ADGRL3: variants seen among roughly 807,000 people sequenced by gnomAD.
ADGRL3 encodes the protein calcium-independent alpha-latrotoxin receptor 3.
In ADGRL3, 62 loss-of-function variants were observed where a neutral mutation model predicts 153.5. The ratio of observed to expected loss-of-function variants is 0.40; its 90% CI spans 0.33 to 0.50. The LOEUF is 0.50. Ranked by LOEUF, ADGRL3 falls within the 20% of genes least tolerant of loss-of-function variation. The probability of loss-of-function intolerance (pLI) is 0.47; values close to 1 mark genes in which losing one functional copy is unlikely to be tolerated. For missense variants in ADGRL3, 1,641 were observed against 1,859.4 expected (o/e 0.88, Z 2.16); for synonymous variants, 710 against 672.5 (o/e 1.06, Z -0.86).
intron 9 of ADGRL3, among the ~76,000 whole-genome samples, chr4:61,853,910 A>G (rs943658563): frequency 6.6e-6 from 1 of 152,202 alleles, no homozygotes; most frequent in African/African-American, 2.4e-5. Flanking sequence ...CCTCTTCTCT[A>G]TAGCCTGAAC....
intron 6 of ADGRL3, among the ~76,000 whole-genome samples, chr4:61,717,829 T>A (rs1370871247): frequency 1.3e-5 from 2 of 151,562 alleles, no homozygotes; most frequent in Admixed American, 1.3e-4. Flanking sequence ...AGATCAGGAG[T>A]TCGAGATCAG....
chr4:61,499,995 C>T (rs972152621), intron 3 of ADGRL3, among the ~76,000 whole-genome samples: 1 of 131,770 alleles, frequency 7.6e-6, no homozygotes, highest in Admixed American at 8.2e-5. Context: ...CAGACACACA[C>T]ACACACACAC....
At chr4:61,739,452 A>G (rs897410334) in intron 8 of ADGRL3, among the ~76,000 whole-genome samples, 6 of 152,076 alleles carry the variant, frequency 3.9e-5, no homozygotes, top group Non-Finnish European at 5.9e-5. Flanking sequence ...TGACCTCCCA[A>G]AGTGCTGGGA....
Position 62,071,863 on chromosome 4 carries a change from CAAAAT to C in ADGRL3, c.*959_*963del. Reference sequence around the variant, plus strand: ...AAACAAATTATTTTTTACAAAAAAACAAAATAAATAAAATTAGACTTCCTTCCCTC... The same window carrying C: ...AAACAAATTATTTTTTACAAAAAAACAAATAAAATTAGACTTCCTTCCCTC... On this transcript the variant is annotated 3_prime_UTR_variant, in exon 27 of 27. Transcript: ENST00000683033. 3.0e-6 allele frequency: 1 copy of C among 329,070 alleles called. No homozygotes were observed. The highest frequency in any genetic ancestry group is 5.8e-6 in the Non-Finnish European group (1 of 171,278). The allele number at this position is 329,070 out of a possible 1,614,324, so 20.4% of individuals were successfully genotyped here.
rs755772405 is a variant in ADGRL3 at position 61,878,081 on chromosome 4, A to G, written c.1481-14575A>G. On this transcript the variant is annotated intron_variant, in intron 9 of 26. Transcript: ENST00000683033. ...TGTGAGTCAGTTTGACCAATTTGGT[A>G]TAAATTACCCAATCTCAGGAAATGT... Among the ~76,000 whole-genome samples the G allele has an allele frequency of 5.9e-5, 9 of 152,278 alleles. No individual in the cohort carries two copies. The South Asian group carries it at 1.9e-3, about 32-fold the overall frequency.
intron 2 of ADGRL3, among the ~76,000 whole-genome samples, chr4:61,419,953 C>G (rs1329115804): frequency 2.0e-5 from 3 of 151,928 alleles, no homozygotes; most frequent in Non-Finnish European, 2.9e-5. Flanking sequence ...GCCACCATGC[C>G]CGGCTGATAT....
Position 61,827,344 on chromosome 4 carries a change from T to C in ADGRL3, c.1480+13455T>C, listed in dbSNP as rs532334832. Among the ~76,000 whole-genome samples the C allele has an allele frequency of 1.5e-3, 230 of 152,332 alleles. 2 individuals are homozygous for C. The highest frequency in any genetic ancestry group is 5.2e-3 in the African/African-American group (215 of 41,584). Reference sequence around the variant, plus strand: ...ATCTATTGCCAAGGTTAGTCTGTATTGCTTCTAGTACTCAGTAGGGCTTCA... The same window carrying C: ...ATCTATTGCCAAGGTTAGTCTGTATCGCTTCTAGTACTCAGTAGGGCTTCA... On this transcript the variant is annotated intron_variant, in intron 9 of 26. Coordinates refer to ENST00000683033, the MANE Select transcript of ADGRL3 (RefSeq NM_001387552.1).
At chr4:61,430,962 T>C (rs1425632020) in intron 2 of ADGRL3, among the ~76,000 whole-genome samples, 1 of 152,234 alleles carries the variant, frequency 6.6e-6, no homozygotes, top group Non-Finnish European at 1.5e-5. Context: ...GATAGTTTCA[T>C]AATCAATGTC....
chr4:61,462,748 A>G (rs1430279994), intron 2 of ADGRL3, among the ~76,000 whole-genome samples: 1 of 152,180 alleles, frequency 6.6e-6, no homozygotes, highest in Non-Finnish European at 1.5e-5. Context: ...ATATTGGGCA[A>G]TCAGCCTAGC....
At chr4:61,605,736 C>A (rs548413904) in intron 5 of ADGRL3, among the ~76,000 whole-genome samples, 1 of 152,256 alleles carries the variant, frequency 6.6e-6, no homozygotes, top group Admixed American at 6.5e-5. Context: ...TGACACATAT[C>A]CATGGTTTCT....
rs1219373046 is a variant in ADGRL3, at chr4:61,432,573, CCTTTCTTTCTTTCTTTCTTTCTTT to C, written c.-174+49445_-174+49468del. On this transcript the variant is annotated intron_variant, in intron 2 of 26. Coordinates refer to ENST00000683033, the MANE Select transcript of ADGRL3 (RefSeq NM_001387552.1). ...TTTATAGATTTCTTTTCTTTCTCTT[CCTTTCTTTCTTTCTTTCTTTCTTT>C]CTTTCTTTCTTTCTTTCTTTCTTTC... is the stretch of plus-strand genomic sequence containing the variant. Among the ~76,000 whole-genome samples, 205 of 35,834 alleles carry C rather than the reference CCTTTCTTTCTTTCTTTCTTTCTTT, an allele frequency of 5.7e-3. 12 individuals carry two copies. The highest frequency in any genetic ancestry group is 0.015 in the African/African-American group (197 of 13,022). 23.5% of individuals were successfully genotyped at this position (35,834 alleles called of 152,430 possible).
chr4:61,406,679 A>G (rs777754778), intron 2 of ADGRL3, among the ~76,000 whole-genome samples: 68 of 152,178 alleles, frequency 4.5e-4, no homozygotes, highest in African/African-American at 1.5e-3. Context: ...GTTATTAAAC[A>G]TTTGAAATAT....
intron 8 of ADGRL3, among the ~76,000 whole-genome samples, chr4:61,780,443 T>C (rs1164678454): frequency 3.3e-5 from 5 of 152,228 alleles, no homozygotes; most frequent in African/African-American, 1.2e-4. Context: ...CCTGTTAGTA[T>C]AGGTTAAAGG....
chr4:61,767,708 T>G (rs146271502), intron 8 of ADGRL3, among the ~76,000 whole-genome samples: 4,051 of 152,252 alleles, frequency 0.027, 76 homozygotes, highest in East Asian at 0.098. Flanking sequence ...AATCCTGGGC[T>G]GCGGGTGTTC....
intron 17 of ADGRL3, among the ~76,000 whole-genome samples, chr4:61,948,632 G>A (rs2098935149): frequency 6.6e-6 from 1 of 152,130 alleles, no homozygotes; most frequent in Non-Finnish European, 1.5e-5. Flanking sequence ...TGGGGAGGCG[G>A]AAGAATAAAG....
intron 1 of ADGRL3, among the ~76,000 whole-genome samples, chr4:61,313,797 A>G (rs2095102228): frequency 6.6e-6 from 1 of 152,234 alleles, no homozygotes; most frequent in Non-Finnish European, 1.5e-5. Context: ...AAATGATTTT[A>G]GTTCCGGGTC....
At chr4:61,331,338 G>T (rs535179479) in intron 1 of ADGRL3, among the ~76,000 whole-genome samples, 155 of 152,164 alleles carry the variant, frequency 1.0e-3, no homozygotes, top group African/African-American at 3.5e-3. Context: ...AAATACTTTT[G>T]TCCTTGATAC....
rs1335701618 is a variant in ADGRL3 at position 61,750,706 on chromosome 4, C to T, written c.1399+17152C>T. Among the ~76,000 whole-genome samples the T allele has an allele frequency of 4.7e-5, 7 of 150,314 alleles. No homozygotes were observed. In the East Asian group the frequency reaches 9.8e-4, roughly 21 times the overall value. On this transcript the variant is annotated intron_variant, in intron 8 of 26. Coordinates refer to ENST00000683033, the MANE Select transcript of ADGRL3 (RefSeq NM_001387552.1). The stretch of plus-strand genomic sequence containing the variant: ...TTGGGAGGCTGAGGCAGGAGAATGG[C>T]GTGAACCCGGGAGGCGGAGCTTGCA...
intron 13 of ADGRL3, among the ~76,000 whole-genome samples, chr4:61,929,474 C>A (rs2098808306): frequency 6.6e-6 from 1 of 152,192 alleles, no homozygotes; most frequent in South Asian, 2.1e-4. Context: ...TAAGTTTTAT[C>A]ATTTCTAGTT....
Sources: allele counts gnomAD v4.1 joint callset (sites outside exome capture counted in the v4.1 genomes callset), GRCh38; gene constraint gnomAD v4.1.1; transcripts MANE v1.5; gene names NCBI Gene and HGNC (gene_info 2026-07-23, HGNC 2026-07-21).